The following HIPK2 variants were observed in gnomAD, a reference collection of about 807,000 sequenced individuals.
The protein encoded by HIPK2 is homeodomain-interacting protein kinase 2.
A neutral mutation model predicts 113.7 loss-of-function variants in HIPK2; 27 were observed. That is an observed-to-expected ratio of 0.24 (90% confidence interval 0.17 to 0.33). The LOEUF (loss-of-function observed/expected upper bound fraction) is 0.33. Among genes scored for constraint, HIPK2 ranks in the 10% least tolerant of loss-of-function variants. The pLI is 1.00. For synonymous variants in HIPK2, 631 were observed against 642.2 expected (o/e 0.98, Z 0.26); for missense variants, 1,257 against 1,588.0 (o/e 0.79, Z 3.54).
intron 2 of HIPK2, among the ~76,000 whole-genome samples, chr7:139,676,310 C>T (rs1218659266): frequency 6.6e-6 from 1 of 152,206 alleles, no homozygotes; most frequent in Non-Finnish European, 1.5e-5. Context: ...CCTGGGCTCA[C>T]CCATGCTGAA....
chr7:139,629,034 T>G lies in HIPK2; in HGVS notation c.1353A>C (p.Pro451=). Residue 451 remains proline, a synonymous_variant, in exon 5 of 15, where the codon CCA becomes CCC. Coordinates refer to ENST00000406875, the MANE Select transcript of HIPK2 (RefSeq NM_022740.5). Reference sequence around the variant, plus strand: ...TCCCTGTCTCTGCTTCATGGTCATCTGGTGTCTGTCAAGAGAGGCAAAAGC... The same window carrying G: ...TCCCTGTCTCTGCTTCATGGTCATCGGGTGTCTGTCAAGAGAGGCAAAAGC... ...SPYPLWRLKT[P]DDHEAETGIK... The G allele has an allele frequency of 3.1e-6, 5 of 1,588,126 alleles. No individual in the cohort carries two copies. Among genetic ancestry groups the G allele is most frequent in the Non-Finnish European group, 4.3e-6 (5 of 1,165,070 alleles).
chr7:139,626,011 C>T (rs925712787), intron 6 of HIPK2, among the ~76,000 whole-genome samples: 3 of 152,194 alleles, frequency 2.0e-5, no homozygotes, highest in African/African-American at 4.8e-5. Flanking sequence ...GTTCATCCAG[C>T]TCTGTGCTCT....
At chr7:139,693,171 C>A (rs1794460573) in intron 2 of HIPK2, among the ~76,000 whole-genome samples, 1 of 152,302 alleles carries the variant, frequency 6.6e-6, no homozygotes, top group Non-Finnish European at 1.5e-5. Context: ...ACTTAACCTC[C>A]TTGAGCTTGT....
At chr7:139,701,117 G>C (rs1012264676) in intron 2 of HIPK2, among the ~76,000 whole-genome samples, 3 of 152,206 alleles carry the variant, frequency 2.0e-5, no homozygotes, top group Non-Finnish European at 4.4e-5. Flanking sequence ...TTTCTTGCAA[G>C]GGCAGCCCCG....
Position 139,607,212 on chromosome 7 carries a change from GA to G in HIPK2, c.2113-2990del, listed in dbSNP as rs561757440. Among the ~76,000 whole-genome samples the G allele has an allele frequency of 7.9e-5, 12 of 150,982 alleles. No homozygotes were observed. In the South Asian group the frequency reaches 1.9e-3, roughly 24 times the overall value. On this transcript the variant is annotated intron_variant, in intron 9 of 14. Transcript: ENST00000406875. ...CAGAGGATATATAGGAAATAGAGGG[GA>G]AAAAAAGATAAGAAAATCGGAAGAT...
intron 1 of HIPK2, 116 bp downstream of exon 1, chr7:139,777,489 G>C (rs913161101): frequency 2.9e-5 from 8 of 280,064 alleles, no homozygotes; most frequent in Non-Finnish European, 4.4e-5. Flanking sequence ...CTCGGGCCCC[G>C]GGTGGGGGCT....
chr7:139,672,265 T>G (rs1178310054), intron 2 of HIPK2, among the ~76,000 whole-genome samples: 1 of 152,244 alleles, frequency 6.6e-6, no homozygotes, highest in African/African-American at 2.4e-5. Flanking sequence ...AGTGATTTAG[T>G]TACCTGAAAA....
In HIPK2 at chr7:139,614,506, T is replaced by C. The variant is rs370818319; in HGVS notation, c.1783-13A>G. The C allele has an allele frequency of 2.3e-4, 314 of 1,355,906 alleles. No individual in the cohort carries two copies. Among genetic ancestry groups the C allele is most frequent in the Non-Finnish European group, 2.8e-4 (288 of 1,040,986 alleles). The allele number at this position is 1,355,906 out of a possible 1,614,324, so 84.0% of individuals were successfully genotyped here. The stretch of plus-strand genomic sequence containing the variant: ...TAGAGGAGGGAGCCTAAAGGAGTGA[T>C]GGGGATTAAACAAAAATAAACAAAA... On this transcript the variant is annotated splice_polypyrimidine_tract_variant and intron_variant, in intron 7 of 14. Transcript: ENST00000406875.
At chr7:139,697,576 GTTTTT>G (rs1222638169) in intron 2 of HIPK2, among the ~76,000 whole-genome samples, 1 of 146,832 alleles carries the variant, frequency 6.8e-6, no homozygotes, top group Non-Finnish European at 1.5e-5. Flanking sequence ...TAGCCTAAAG[GTTTTT>G]TTTTTTCTGT....
At chr7:139,771,601 C>T (rs1224189861) in intron 1 of HIPK2, among the ~76,000 whole-genome samples, 2 of 152,134 alleles carry the variant, frequency 1.3e-5, no homozygotes, top group Non-Finnish European at 2.9e-5. Context: ...TTGTAGGGGA[C>T]AAAGATGAAT....
intron 2 of HIPK2, among the ~76,000 whole-genome samples, chr7:139,657,990 G>T (rs1801731867): frequency 1.3e-5 from 2 of 152,132 alleles, no homozygotes; most frequent in Admixed American, 6.5e-5. Context: ...TTGTGTTCCT[G>T]GTTGAGTCAC....
rs750686936 is a variant in HIPK2, at chr7:139,575,193, T to C, written c.3061A>G (p.Ile1021Val). The C allele has an allele frequency of 6.3e-7, 1 of 1,588,924 alleles. No homozygotes were observed. The highest frequency in any genetic ancestry group is 2.3e-5 in the East Asian group (1 of 43,846). Residue 1021 changes from isoleucine to valine, a missense_variant, in exon 14 of 15, where the codon ATC becomes GTC. Ile to Val is a conservative substitution (Grantham distance 29). Transcript: ENST00000406875. Reference sequence around the variant, plus strand: ...CCCGGCCGCTGCTGCCGGTAGGTGATGGCTCCAGATGAGCTCCCTGAAGAG... The same window carrying C: ...CCCGGCCGCTGCTGCCGGTAGGTGACGGCTCCAGATGAGCTCCCTGAAGAG... ...GHSSGSSSGA[I>V]TYRQQRPGPH...
intron 1 of HIPK2, among the ~76,000 whole-genome samples, chr7:139,770,405 T>C (rs1796629046): frequency 6.6e-6 from 1 of 152,232 alleles, no homozygotes; most frequent in South Asian, 2.1e-4. Flanking sequence ...ATAAGTTCTA[T>C]ATTGTATAGA....
chr7:139,619,867 TC>T (rs1340637663), intron 7 of HIPK2, among the ~76,000 whole-genome samples: 1 of 152,160 alleles, frequency 6.6e-6, no homozygotes, highest in Non-Finnish European at 1.5e-5. Flanking sequence ...CTCAAGCACT[TC>T]TCTCACCTCT....
intron 6 of HIPK2, among the ~76,000 whole-genome samples, chr7:139,623,929 T>C (rs1800331305): frequency 6.6e-6 from 1 of 152,098 alleles, no homozygotes; most frequent in African/African-American, 2.4e-5. Flanking sequence ...CCTGCAGACG[T>C]AGGATGTGAT....
chr7:139,586,254 T>C (rs1798828034), intron 12 of HIPK2, among the ~76,000 whole-genome samples: 2 of 152,268 alleles, frequency 1.3e-5, no homozygotes, highest in Admixed American at 6.5e-5. Context: ...AATGTCCATA[T>C]GCTTGTTCCT....
chr7:139,659,673 C>T (rs1449803406), intron 2 of HIPK2, among the ~76,000 whole-genome samples: 1 of 152,228 alleles, frequency 6.6e-6, no homozygotes, highest in Non-Finnish European at 1.5e-5. Flanking sequence ...ATGCCTATGC[C>T]CTTTAAAGGA....
chr7:139,614,158 G>T, intron 8 of HIPK2, 128 bp downstream of exon 8: 1 of 877,208 alleles, frequency 1.1e-6, no homozygotes, highest in Non-Finnish European at 1.6e-6. Flanking sequence ...TGATACCAGC[G>T]CTCTCACTGG....
intron 1 of HIPK2, among the ~76,000 whole-genome samples, chr7:139,733,105 G>A (rs1268100890): frequency 1.3e-5 from 2 of 152,088 alleles, no homozygotes; most frequent in African/African-American, 4.8e-5. Context: ...TGAAAGGCTG[G>A]CTCCTCCTTC....
Sources: gnomAD v4.1 joint callset for allele counts (sites outside exome capture counted in the v4.1 genomes callset) on GRCh38, gnomAD v4.1.1 for gene constraint, MANE v1.5 for transcripts, NCBI Gene and HGNC (gene_info 2026-07-23, HGNC 2026-07-21) for gene names.